PCDHGB2: variants seen among roughly 807,000 people sequenced by gnomAD.
PCDHGB2 encodes the protein protocadherin gamma-B2.
In PCDHGB2, 55 loss-of-function variants were observed where a neutral mutation model predicts 59.3. That is an observed-to-expected ratio of 0.93 (90% CI 0.75 to 1.16). The LOEUF (loss-of-function observed/expected upper bound fraction) is 1.16. Among genes scored for constraint, PCDHGB2 ranks in the 50% most tolerant of loss-of-function variants. The pLI is 0.00. For missense variants in PCDHGB2, 1,228 were observed against 1,198.5 expected (o/e 1.02, Z -0.36); for synonymous variants, 516 against 512.0 (o/e 1.01, Z -0.11).
chr5:141,403,729 C>G (rs1409756180), intron 1 of PCDHGB2: 1 of 1,613,896 alleles, frequency 6.2e-7, no homozygotes, highest in Non-Finnish European at 8.5e-7. Context: ...CCCCAGGCAC[C>G]TGGCTGCTTA....
Position 141,511,378 on chromosome 5 carries a change from T to C in PCDHGB2, c.*205T>C. 1 of 1,202,114 alleles carries C rather than the reference T, an allele frequency of 8.3e-7. No homozygotes were observed. The highest frequency in any genetic ancestry group is 1.1e-6 in the Non-Finnish European group (1 of 882,194). The allele number at this position is 1,202,114 out of a possible 1,614,324, so 74.5% of individuals were successfully genotyped here. A position where few individuals can be genotyped will look rare whatever the true frequency, so the allele number is the denominator to read the frequency against. On this transcript the variant is annotated 3_prime_UTR_variant, in exon 4 of 4. Coordinates refer to ENST00000522605, the MANE Select transcript of PCDHGB2 (RefSeq NM_018923.3). ...AGGGGGTTGAATATGCAAAAGCAGT[T>C]CCGCTGGGAACCCCCATCCAATCAA...
chr5:141,361,540 G>C lies in PCDHGB2; in HGVS notation c.1405G>C (p.Ala469Pro). ...VHVAENNPPG[A>P]SIAQISASDP... ...CGTGGCAGAGAACAATCCTCCTGGC[G>C]CCTCTATCGCTCAAATCAGTGCCTC... Residue 469 changes from alanine (A) to proline (P), a missense_variant, in exon 1 of 4, where the codon GCC becomes CCC. Physicochemically the swap from Ala to Pro is conservative, Grantham distance 27. This residue lies in a region of PCDHGB2 where 781 missense variants were observed against 721.6 expected (regional missense o/e 1.08). Transcript: ENST00000522605. 1.2e-6 allele frequency: 2 copies of C among 1,614,018 alleles called. No homozygotes were observed. The highest frequency in any genetic ancestry group is 1.1e-5 in the South Asian group (1 of 91,084).
Position 141,490,004 on chromosome 5 carries a change from C to T in PCDHGB2, c.2422-4803C>T. On this transcript the variant is annotated intron_variant, in intron 1 of 3. Coordinates refer to ENST00000522605, the MANE Select transcript of PCDHGB2 (RefSeq NM_018923.3). This position sits in a 1 kb window ranked among gnomAD's most constrained non-coding sequence, Gnocchi z 5.4. ...CTACGTGTGGGAATCCCAGAGAATG[C>T]ACCCATTGGTACTCTGCTGCTCCGC... The T allele has an allele frequency of 1.9e-6, 3 of 1,614,174 alleles. No individual in the cohort carries two copies. Among genetic ancestry groups the T allele is most frequent in the Non-Finnish European group, 2.5e-6 (3 of 1,179,980 alleles).
At chr5:141,419,109 A>T in intron 1 of PCDHGB2, 1 of 1,613,940 alleles carries the variant, frequency 6.2e-7, no homozygotes, top group Non-Finnish European at 8.5e-7. Flanking sequence ...CAGACCCCAG[A>T]GTACAACGTC....
chr5:141,362,492 C>G lies in PCDHGB2; in HGVS notation c.2357C>G (p.Ser786Cys), dbSNP rs369530205. ...CAAGATCTCGTCTGTGACAATGCCTCTTGGGAACAAAATACAAATCATGGA... is the reference window on the plus strand; with the variant it reads ...CAAGATCTCGTCTGTGACAATGCCTGTTGGGAACAAAATACAAATCATGGA... Reference protein sequence around the residue: ...PAQDLVCDNASWEQNTNHGAA... With the variant: ...PAQDLVCDNACWEQNTNHGAA... Residue 786 changes from serine (S) to cysteine (C), a missense_variant, in exon 1 of 4, where the codon TCT becomes TGT. This residue lies in a region of PCDHGB2 where 433 missense variants were observed against 441.8 expected (regional missense o/e 0.98). Coordinates refer to ENST00000522605, the MANE Select transcript of PCDHGB2 (RefSeq NM_018923.3). 6.2e-7 allele frequency: 1 copy of G among 1,613,902 alleles called. No individual in the cohort carries two copies. The highest frequency in any genetic ancestry group is 1.3e-5 in the African/African-American group (1 of 74,922).
chr5:141,510,814 CT>C, intron 3 of PCDHGB2, 132 bp from the exon 4 acceptor site: 1 of 1,544,688 alleles, frequency 6.5e-7, no homozygotes, highest in Non-Finnish European at 8.8e-7. Context: ...TTGGTGACCC[CT>C]ATATTCCCAG....
At chr5:141,446,061 AG>A (rs903957950) in intron 1 of PCDHGB2, among the ~76,000 whole-genome samples, 3 of 152,226 alleles carry the variant, frequency 2.0e-5, no homozygotes, top group African/African-American at 7.2e-5. Context: ...CTTGGATTAA[AG>A]GGGAGGCAGT....
chr5:141,375,938 G>A (rs1772064836), intron 1 of PCDHGB2: 1 of 1,613,558 alleles, frequency 6.2e-7, no homozygotes, highest in African/African-American at 1.3e-5. Flanking sequence ...ACTTTTCTCA[G>A]TGGGCCTGCA....
At chr5:141,456,897 A>G (rs1351271896) in intron 1 of PCDHGB2, among the ~76,000 whole-genome samples, 2 of 152,178 alleles carry the variant, frequency 1.3e-5, no homozygotes, top group Admixed American at 1.3e-4. Context: ...CGGGAGGCAG[A>G]GGTTGCAGTG....
At chr5:141,475,146 G>A (rs938308425) in intron 1 of PCDHGB2, among the ~76,000 whole-genome samples, 3 of 152,014 alleles carry the variant, frequency 2.0e-5, no homozygotes, top group African/African-American at 4.8e-5. Context: ...AATCTTCTCC[G>A]TCTTCTTCTT....
chr5:141,431,435 G>C lies in PCDHGB2; in HGVS notation c.2422-63372G>C, dbSNP rs376827063. The C allele has an allele frequency of 6.2e-7, 1 of 1,613,668 alleles. No homozygotes were observed. The highest frequency in any genetic ancestry group is 1.7e-5 in the Admixed American group (1 of 60,010). On this transcript the variant is annotated intron_variant, in intron 1 of 3. Coordinates refer to ENST00000522605, the MANE Select transcript of PCDHGB2 (RefSeq NM_018923.3). This position sits in a 1 kb window ranked among gnomAD's most constrained non-coding sequence, Gnocchi z 4.8. ...GGGCGACCCGGTGCGCACAGGCACC[G>C]CGCGCATCCGCGTGATGGTTCTGGA...
intron 1 of PCDHGB2, among the ~76,000 whole-genome samples, chr5:141,481,171 C>G (rs927813327): frequency 6.6e-6 from 1 of 152,120 alleles, no homozygotes; most frequent in African/African-American, 2.4e-5. Flanking sequence ...AACCAGAATC[C>G]AGCTTTATTG....
chr5:141,490,045 C>G lies in PCDHGB2; in HGVS notation c.2422-4762C>G, dbSNP rs530803072. 6 of 1,614,114 alleles carry G rather than the reference C, an allele frequency of 3.7e-6. No individual in the cohort carries two copies. The highest frequency in any genetic ancestry group is 5.1e-6 in the Non-Finnish European group (6 of 1,180,014). On this transcript the variant is annotated intron_variant, in intron 1 of 3. Coordinates refer to ENST00000522605, the MANE Select transcript of PCDHGB2 (RefSeq NM_018923.3). This position sits in a 1 kb window ranked among gnomAD's most constrained non-coding sequence, Gnocchi z 5.4. ...GCTGCTCCGCCTCAATGCCACTGAT[C>G]CAGACGAGGGCACCAACGGCCAACT...
intron 1 of PCDHGB2, among the ~76,000 whole-genome samples, chr5:141,436,889 G>T (rs1319754318): frequency 6.6e-6 from 1 of 152,208 alleles, no homozygotes; most frequent in Non-Finnish European, 1.5e-5. Flanking sequence ...ATGGGGGAAA[G>T]ATTTTTATAT....
rs1212248484 is a variant in PCDHGB2 at position 141,393,163 on chromosome 5, T to C, written c.2421+30607T>C. ...CTGGTTGAGGATAAAGGAAAACTCT[T>C]TGGGGTAGAAATAGAAATAATTGAT... On this transcript the variant is annotated intron_variant, in intron 1 of 3. Transcript: ENST00000522605. 1.9e-6 allele frequency: 3 copies of C among 1,613,134 alleles called. No homozygotes were observed. In the Admixed American group the frequency reaches 5.0e-5, roughly 27 times the overall value.
chr5:141,395,327 AAAT>A (rs760723981), intron 1 of PCDHGB2: 2 of 1,469,018 alleles, frequency 1.4e-6, no homozygotes, highest in Non-Finnish European at 1.8e-6. Flanking sequence ...AGATAGTTGA[AAAT>A]AATTTTTAAG....
intron 1 of PCDHGB2, chr5:141,395,402 C>T (rs1012676021): frequency 5.9e-6 from 5 of 846,250 alleles, no homozygotes; most frequent in Non-Finnish European, 8.7e-6. Context: ...CTCTAATAGT[C>T]ATAGGTTATT....
intron 1 of PCDHGB2, chr5:141,413,265 T>A (rs1301684620): frequency 6.2e-7 from 1 of 1,613,840 alleles, no homozygotes; most frequent in African/African-American, 1.3e-5. Context: ...CATGGGAGGC[T>A]GGAGCCCGGC....
intron 1 of PCDHGB2, chr5:141,408,782 T>A: frequency 6.2e-7 from 1 of 1,612,108 alleles, no homozygotes. Context: ...ATACCCAGAG[T>A]TATCTCTGGA....
Sources: gnomAD v4.1 joint callset for allele counts (sites outside exome capture counted in the v4.1 genomes callset) on GRCh38, gnomAD v4.1.1 for gene constraint, gnomAD v4.1.1 regional missense constraint, Gnocchi (gnomAD v3.1) non-coding constraint, MANE v1.5 for transcripts, NCBI Gene and HGNC (gene_info 2026-07-23, HGNC 2026-07-21) for gene names.